DTNA: variants seen among roughly 807,000 people sequenced by gnomAD.
DTNA encodes the protein dystrophin-related protein 3.
Under a neutral mutation model 100.7 loss-of-function variants are expected in DTNA, and 43 were observed. The observed-to-expected ratio is 0.43, with a 90% CI of 0.33 to 0.55. The LOEUF is 0.55. DTNA is among the 20% of genes least tolerant of loss of function. The probability of loss-of-function intolerance (pLI) is 0.04; values close to 1 mark genes in which losing one functional copy is unlikely to be tolerated. For missense variants in DTNA, 798 were observed against 953.9 expected, an observed-to-expected ratio of 0.84 and a Z score of 2.15; for synonymous variants, 349 against 347.9, an observed-to-expected ratio of 1.00 and a Z score of -0.04.
intron 5 of DTNA, among the ~76,000 whole-genome samples, chr18:34,811,509 G>A (rs2095485793): frequency 6.6e-6 from 1 of 152,150 alleles, no homozygotes; most frequent in Non-Finnish European, 1.5e-5. Flanking sequence ...GAAAGTTTTA[G>A]TGATAATATA....
intron 1 of DTNA, among the ~76,000 whole-genome samples, chr18:34,522,640 G>T (rs1039658499): frequency 5.9e-5 from 9 of 152,120 alleles, no homozygotes; most frequent in Admixed American, 2.0e-4. Flanking sequence ...TTTTATTCAT[G>T]CTAGGAGCAT....
chr18:34,536,414 C>G (rs2439000), intron 1 of DTNA, among the ~76,000 whole-genome samples: 132,445 of 151,832 alleles, frequency 0.87, 58,034 homozygotes, highest in Middle Eastern at 0.95. Context: ...TTCTTATTCC[C>G]GGACCATCAA....
intron 1 of DTNA, among the ~76,000 whole-genome samples, chr18:34,604,696 A>G (rs2052636249): frequency 6.6e-6 from 1 of 152,190 alleles, no homozygotes; most frequent in Admixed American, 6.5e-5. Flanking sequence ...TAACTTACTT[A>G]GATTTACAGT....
chr18:34,532,772 G>A lies in DTNA; in HGVS notation c.-2+39258G>A, dbSNP rs551426189. Reference sequence around the variant, plus strand: ...ATTTAAAACATATATATATATATATGTGTGTGTGTGTATGCATAGAACGAA... The same window carrying A: ...ATTTAAAACATATATATATATATATATGTGTGTGTGTATGCATAGAACGAA... On this transcript the variant is annotated intron_variant, in intron 1 of 19. Transcript: ENST00000283365. Among the ~76,000 whole-genome samples, 973 of 148,348 alleles carry A rather than the reference G, an allele frequency of 6.6e-3. 6 individuals carry two copies. Among genetic ancestry groups the A allele is most frequent in the South Asian group, 0.016 (76 of 4,750 alleles).
At chr18:34,834,036 A>G (rs763519434) in intron 11 of DTNA, among the ~76,000 whole-genome samples, 2 of 152,214 alleles carry the variant, frequency 1.3e-5, no homozygotes, top group Non-Finnish European at 2.9e-5. Flanking sequence ...TAATTTCTCC[A>G]TGCAAACTTC....
rs2096965886 is a variant in DTNA at position 34,891,799 on chromosome 18, C to T, written c.*4065C>T. On this transcript the variant is annotated 3_prime_UTR_variant, in exon 23 of 23. Transcript: ENST00000444659. ...CCATGTATTCTGCAAATATTAAGTG[C>T]TCAATGGTTTTTTTGTTGAATTACT... 1 of 152,098 alleles carries T rather than the reference C, an allele frequency of 6.6e-6. No homozygotes were observed. Among genetic ancestry groups the T allele is most frequent in the Non-Finnish European group, 1.5e-5 (1 of 68,022 alleles). 9.4% of individuals were successfully genotyped at this position (152,098 alleles called of 1,614,324 possible). A position where few individuals can be genotyped will look rare whatever the true frequency, so the allele number is the denominator to read the frequency against.
intron 15 of DTNA, among the ~76,000 whole-genome samples, chr18:34,855,645 A>G (rs970086416): frequency 6.6e-6 from 1 of 152,214 alleles, no homozygotes. Flanking sequence ...GGGATAAAAC[A>G]TCAAGGTCAA....
intron 1 of DTNA, among the ~76,000 whole-genome samples, chr18:34,734,511 T>G (rs1414633465): frequency 6.6e-6 from 1 of 152,166 alleles, no homozygotes; most frequent in African/African-American, 2.4e-5. Flanking sequence ...TCATTGCAGG[T>G]CAGCCACTTG....
At chr18:34,594,473 G>A (rs975232823) in intron 1 of DTNA, among the ~76,000 whole-genome samples, 1 of 152,148 alleles carries the variant, frequency 6.6e-6, no homozygotes, top group Non-Finnish European at 1.5e-5. Context: ...TTTATATGGG[G>A]AAAATAAATC....
chr18:34,520,677 A>T (rs1033235091), intron 1 of DTNA, among the ~76,000 whole-genome samples: 6 of 152,086 alleles, frequency 3.9e-5, no homozygotes, highest in Admixed American at 1.3e-4. Flanking sequence ...ATAATAATAA[A>T]AAATAAAGTT....
intron 1 of DTNA, among the ~76,000 whole-genome samples, chr18:34,753,371 T>TTTTA (rs2092513293): frequency 9.9e-6 from 1 of 101,408 alleles, no homozygotes; most frequent in African/African-American, 4.5e-5. Flanking sequence ...ATTTTATTTT[T>TTTTA]TTTTTTTTTT....
Position 34,812,011 on chromosome 18 carries a change from T to C in DTNA, c.501T>C (p.Tyr167=), listed in dbSNP as rs1244439847. The C allele has an allele frequency of 1.9e-6, 3 of 1,614,138 alleles. No individual in the cohort carries two copies. The Admixed American group carries it at 5.0e-5, about 27-fold the overall frequency. The change falls in exon 6 of 23, where the codon TAT becomes TAC. Residue 167 remains tyrosine (Y), a synonymous_variant. Coordinates refer to ENST00000444659, the MANE Select transcript of DTNA (RefSeq NM_001386795.1). ...GTGGGGTGATGGTTTATGGACGATA[T>C]GACCAATTCCTTCGGGAAGTTCTCA... ...DSSGVMVYGR[Y]DQFLREVLKL...
At chr18:34,794,344 T>A in intron 4 of DTNA, 94 bp downstream of exon 4, 5 of 1,364,304 alleles carry the variant, frequency 3.7e-6, no homozygotes, top group Non-Finnish European at 4.1e-6. Context: ...TATATCTCTC[T>A]CTTTTTTTTT....
At chr18:34,695,345 G>A (rs1047431507) in intron 1 of DTNA, among the ~76,000 whole-genome samples, 3 of 152,038 alleles carry the variant, frequency 2.0e-5, no homozygotes, top group African/African-American at 4.8e-5. Context: ...ACCTTCTCCC[G>A]ATTTTGTCTT....
At chr18:34,683,408 A>G (rs975528852) in intron 1 of DTNA, 1 of 152,274 alleles carries the variant, frequency 6.6e-6, no homozygotes, top group Non-Finnish European at 1.5e-5. Context: ...GTTATTTTAA[A>G]TGGAAGGGCC....
chr18:34,551,434 T>C (rs1601748415), intron 1 of DTNA, among the ~76,000 whole-genome samples: 1 of 152,270 alleles, frequency 6.6e-6, no homozygotes, highest in East Asian at 1.9e-4. Context: ...GCTAATGCAC[T>C]CTCCATTCAG....
intron 1 of DTNA, among the ~76,000 whole-genome samples, chr18:34,532,509 T>C (rs1204547175): frequency 1.3e-5 from 2 of 152,118 alleles, no homozygotes; most frequent in South Asian, 2.1e-4. Context: ...CACCACTTGC[T>C]GTAAGAAGCA....
chr18:34,758,329 G>A (rs2092918910), intron 2 of DTNA, among the ~76,000 whole-genome samples: 1 of 152,176 alleles, frequency 6.6e-6, no homozygotes, highest in African/African-American at 2.4e-5. Flanking sequence ...AAAAGAAAGT[G>A]CCAATGAGAT....
chr18:34,702,905 G>A (rs1305407107), intron 1 of DTNA, among the ~76,000 whole-genome samples: 1 of 152,134 alleles, frequency 6.6e-6, no homozygotes, highest in Non-Finnish European at 1.5e-5. Context: ...TATTTACATA[G>A]AGACAGATAG....
Sources: allele counts gnomAD v4.1 joint callset (sites outside exome capture counted in the v4.1 genomes callset), GRCh38; gene constraint gnomAD v4.1.1; transcripts MANE v1.5; gene names NCBI Gene and HGNC (gene_info 2026-07-23, HGNC 2026-07-21).